ATP10A: variants seen among roughly 807,000 people sequenced by gnomAD.
ATP10A encodes ATPase phospholipid transporting 10A (putative).
In ATP10A, 111 loss-of-function variants were observed where a neutral mutation model predicts 147.8. The ratio of observed to expected loss-of-function variants is 0.75; its 90% CI spans 0.64 to 0.88. ATP10A has a LOEUF of 0.88. ATP10A is among the 40% of genes least tolerant of loss of function. ATP10A has a pLI of 0.00. For missense variants in ATP10A, 1,927 were observed against 1,959.0 expected (o/e 0.98, Z 0.31); for synonymous variants, 875 against 841.6 (o/e 1.04, Z -0.69).
At chr15:25,770,221 G>T (rs113539869) in intron 2 of ATP10A, among the ~76,000 whole-genome samples, 1 of 151,252 alleles carries the variant, frequency 6.6e-6, no homozygotes, top group Non-Finnish European at 1.5e-5. Context: ...GTGGGGAGGG[G>T]CCCCACCCAT....
chr15:25,788,439 C>T (rs566688872), intron 1 of ATP10A, among the ~76,000 whole-genome samples: 2 of 152,368 alleles, frequency 1.3e-5, no homozygotes, highest in South Asian at 2.1e-4. Flanking sequence ...TTCCCCGTAG[C>T]CCTCTGCTCC....
At chr15:25,781,409 C>T (rs1242426151) in intron 1 of ATP10A, among the ~76,000 whole-genome samples, 186 bp from the exon 2 acceptor site, 1 of 152,144 alleles carries the variant, frequency 6.6e-6, no homozygotes, top group Admixed American at 6.5e-5. Context: ...GTAATCCCAG[C>T]ACTTTGAGAG....
At chr15:25,789,690 C>T (rs1890324318) in intron 1 of ATP10A, among the ~76,000 whole-genome samples, 1 of 152,046 alleles carries the variant, frequency 6.6e-6, no homozygotes, top group Admixed American at 6.6e-5. Flanking sequence ...ATACATCAGG[C>T]AGAGAAGTAG....
intron 2 of ATP10A, among the ~76,000 whole-genome samples, chr15:25,764,682 T>C (rs1888932677): frequency 6.6e-6 from 1 of 152,254 alleles, no homozygotes; most frequent in South Asian, 2.1e-4. Context: ...ACCCAGTCTG[T>C]GGTCATTTCA....
chr15:25,857,904 G>A (rs1401220607), intron 1 of ATP10A, among the ~76,000 whole-genome samples: 1 of 152,176 alleles, frequency 6.6e-6, no homozygotes, highest in Non-Finnish European at 1.5e-5. Flanking sequence ...TGGGGATGTG[G>A]AAATGATATG....
In ATP10A at chr15:25,679,444, T is replaced by C. The variant is rs776866505; in HGVS notation, c.4397A>G (p.Gln1466Arg). ...CTGGACAGGAAGTCCACGTCCCGCT[T>C]GTCCATCTGCAAGCTGCTCCGTCCG... ...FSRTEQLADG[Q>R]AGRGLPVQPH... The change falls in exon 21 of 21, where the codon CAA (glutamine) becomes CGA (arginine). Residue 1466 changes from glutamine (Q) to arginine (R), a missense_variant. Coordinates refer to ENST00000555815, the MANE Select transcript of ATP10A (RefSeq NM_024490.4). The C allele has an allele frequency of 1.7e-5, 27 of 1,614,064 alleles. No homozygotes were observed. The South Asian group carries it at 2.5e-4, about 15-fold the overall frequency.
chr15:25,779,280 T>C (rs1190065699), intron 2 of ATP10A, among the ~76,000 whole-genome samples: 2 of 152,234 alleles, frequency 1.3e-5, no homozygotes, highest in Non-Finnish European at 2.9e-5. Context: ...TAAATTCTGC[T>C]GTATTTTCCA....
chr15:25,700,558 G>A (rs981358927), intron 13 of ATP10A, among the ~76,000 whole-genome samples: 3 of 152,192 alleles, frequency 2.0e-5, no homozygotes, highest in African/African-American at 4.8e-5. Flanking sequence ...GTTATGCTGA[G>A]TGACAGAAGC....
chr15:25,770,974 A>G (rs377369152), intron 2 of ATP10A, among the ~76,000 whole-genome samples: 12 of 152,212 alleles, frequency 7.9e-5, no homozygotes, highest in Non-Finnish European at 1.0e-4. Flanking sequence ...TTTGGGTTAA[A>G]TGAAGGCTTC....
chr15:25,780,133 A>G (rs1468093042), intron 2 of ATP10A, among the ~76,000 whole-genome samples: 1 of 152,262 alleles, frequency 6.6e-6, no homozygotes, highest in African/African-American at 2.4e-5. Context: ...GTCCACAGAC[A>G]GCAGAGCCCA....
In ATP10A at chr15:25,701,893, G is replaced by A. The variant is rs200977775; in HGVS notation, c.2760+23C>T. On this transcript the variant is annotated intron_variant, in intron 13 of 20. Coordinates refer to ENST00000555815, the MANE Select transcript of ATP10A (RefSeq NM_024490.4). The stretch of plus-strand genomic sequence containing the variant: ...ATGGACCACCCCAGGGGAAGGAAGC[G>A]GAGCCACTTGAAACCCACCTACCTG... 129 of 1,568,250 alleles carry A rather than the reference G, an allele frequency of 8.2e-5. 1 individual carries two copies. The highest frequency in any genetic ancestry group is 4.1e-4 in the African/African-American group (30 of 73,696).
rs749127842 is a variant in ATP10A, at chr15:25,687,992, A to G, written c.3166-164T>C. On this transcript the variant is annotated intron_variant, in intron 15 of 20. Coordinates refer to ENST00000555815, the MANE Select transcript of ATP10A (RefSeq NM_024490.4). ...CTCCATCGCTGTCGTCTCCCTCAGC[A>G]TCTCCTTCCGTTACAAAAGAGGCAA... 1.9e-5 allele frequency: 16 copies of G among 849,458 alleles called. No individual in the cohort carries two copies. The African/African-American group carries it at 2.5e-4, about 13-fold the overall frequency. The allele number at this position is 849,458 out of a possible 1,614,324, so 52.6% of individuals were successfully genotyped here.
intron 1 of ATP10A, among the ~76,000 whole-genome samples, chr15:25,802,661 C>T (rs73366976): frequency 9.3e-4 from 142 of 152,318 alleles, no homozygotes; most frequent in African/African-American, 3.2e-3. Flanking sequence ...CCTCAGCTCA[C>T]GGCCGGCCGC....
chr15:25,788,753 G>A (rs1890281407), intron 1 of ATP10A, among the ~76,000 whole-genome samples: 1 of 152,176 alleles, frequency 6.6e-6, no homozygotes, highest in Non-Finnish European at 1.5e-5. Flanking sequence ...TCCATGAAAT[G>A]GAGAACACAG....
chr15:25,734,375 C>A (rs1047295796), intron 3 of ATP10A, among the ~76,000 whole-genome samples: 2 of 152,200 alleles, frequency 1.3e-5, no homozygotes, highest in Non-Finnish European at 1.5e-5. Context: ...GGAGTTGGCA[C>A]CGTAAAATTA....
At chr15:25,705,862 A>G (rs751241026) in intron 12 of ATP10A, among the ~76,000 whole-genome samples, 1 of 152,220 alleles carries the variant, frequency 6.6e-6, no homozygotes, top group Non-Finnish European at 1.5e-5. Context: ...CTCTGCCAGG[A>G]GGCGTGAGCA....
rs141766003 is a variant in ATP10A at position 25,814,895 on chromosome 15, G to T, written c.450-33672C>A. Among the ~76,000 whole-genome samples the T allele has an allele frequency of 4.1e-3, 625 of 152,298 alleles. 6 individuals carry two copies. The highest frequency in any genetic ancestry group is 0.015 in the African/African-American group (605 of 41,556). On this transcript the variant is annotated intron_variant, in intron 1 of 20. Transcript: ENST00000555815. ...CTTGTCACAGCCTGGCACCAATGATGAAAAGCCAGTGAGAAAATGCACAAA... is the reference window on the plus strand; with the variant it reads ...CTTGTCACAGCCTGGCACCAATGATTAAAAGCCAGTGAGAAAATGCACAAA...
chr15:25,675,432 T>C (rs1168041374), downstream of ATP10A, among the ~76,000 whole-genome samples: 1 of 152,110 alleles, frequency 6.6e-6, no homozygotes, highest in Non-Finnish European at 1.5e-5. Context: ...CAGGTTGACG[T>C]TGTGTGAGAA....
chr15:25,839,125 T>A lies in ATP10A; in HGVS notation c.449+23523A>T, dbSNP rs554179298. ...CCCATTCTGTTTAGAAGACACTGGCTACACCTTAGCTCCAGTTTAAACTCC... is the reference window on the plus strand; with the variant it reads ...CCCATTCTGTTTAGAAGACACTGGCAACACCTTAGCTCCAGTTTAAACTCC... On this transcript the variant is annotated intron_variant, in intron 1 of 20. Transcript: ENST00000555815. Among the ~76,000 whole-genome samples, 143 of 152,330 alleles carry A rather than the reference T, an allele frequency of 9.4e-4. 1 individual carries two copies. Among genetic ancestry groups the A allele is most frequent in the African/African-American group, 3.2e-3 (134 of 41,568 alleles).
Sources: gnomAD v4.1 joint callset for allele counts (sites outside exome capture counted in the v4.1 genomes callset) on GRCh38, gnomAD v4.1.1 for gene constraint, MANE v1.5 for transcripts, NCBI Gene and HGNC (gene_info 2026-07-23, HGNC 2026-07-21) for gene names.